Variants in TAMM41 observed in about 807,000 individuals in gnomAD.
TAMM41 encodes TAM41 mitochondrial translocator assembly and maintenance homolog, also known as phosphatidate cytidylyltransferase, mitochondrial.
TAMM41 carries 36 observed loss-of-function variants against 44.1 expected under a neutral mutation model. The observed-to-expected ratio is 0.82, with a 90% CI of 0.63 to 1.08. The LOEUF is 1.08. TAMM41 is among the 50% of genes least tolerant of loss of function. TAMM41 has a pLI of 0.00. For missense variants in TAMM41, 417 were observed against 404.3 expected, an observed-to-expected ratio of 1.03 and a Z score of -0.27; for synonymous variants, 164 against 153.1, an observed-to-expected ratio of 1.07 and a Z score of -0.53.
At chr3:11,773,729 A>G in the TAMM41 span, among the ~76,000 whole-genome samples, 2 of 152,172 alleles carry the variant, frequency 1.3e-5, no homozygotes, top group African/African-American at 2.4e-5. Context: ...TTCTTGCCCA[A>G]CCTAGATGCT....
the TAMM41 span, among the ~76,000 whole-genome samples, chr3:11,724,383 A>G: frequency 6.6e-6 from 1 of 151,656 alleles, no homozygotes; most frequent in Non-Finnish European, 1.5e-5. Context: ...GATTACAGGC[A>G]TGAGCCACCG....
At chr3:11,837,398 T>C (rs1575712271) in intron 3 of TAMM41, among the ~76,000 whole-genome samples, 1 of 151,444 alleles carries the variant, frequency 6.6e-6, no homozygotes, top group South Asian at 2.1e-4. Flanking sequence ...CACAGACTGA[T>C]TATCTGGAAA....
intron 3 of TAMM41, chr3:11,830,936 A>C (rs1360410397): frequency 6.6e-6 from 1 of 151,954 alleles, no homozygotes; most frequent in Non-Finnish European, 1.5e-5. Flanking sequence ...CTTACTTTTA[A>C]AGATTGCACT....
chr3:11,789,671 G>A (rs923717805), downstream of TAMM41, among the ~76,000 whole-genome samples: 9 of 152,080 alleles, frequency 5.9e-5, no homozygotes, highest in African/African-American at 2.2e-4. Context: ...ATCAGCATCC[G>A]TGAAACCAGA....
chr3:11,827,404 G>A (rs1256803650), intron 4 of TAMM41, among the ~76,000 whole-genome samples: 6 of 150,988 alleles, frequency 4.0e-5, no homozygotes, highest in African/African-American at 7.3e-5. Context: ...CCACCTCGCC[G>A]GTTCAAGTGA....
At chr3:11,787,005 G>A (rs1478609250), downstream of TAMM41, among the ~76,000 whole-genome samples, 1 of 152,180 alleles carries the variant, frequency 6.6e-6, no homozygotes, top group Non-Finnish European at 1.5e-5. Context: ...TTCTGTCATA[G>A]TCACAGTGGC....
the TAMM41 span, among the ~76,000 whole-genome samples, chr3:11,741,220 A>AAAAC: frequency 7.0e-6 from 1 of 142,110 alleles, no homozygotes; most frequent in African/African-American, 3.0e-5. Context: ...CCGTCTCAAA[A>AAAAC]AAAAAAAAAA....
chr3:11,760,528 A>G, the TAMM41 span, among the ~76,000 whole-genome samples: 143 of 148,778 alleles, frequency 9.6e-4, no homozygotes, highest in African/African-American at 3.6e-3. Flanking sequence ...TCCTTAGAGG[A>G]CTGTAAGTAC....
At chr3:11,721,916 T>G in the TAMM41 span, 1 of 152,206 alleles carries the variant, frequency 6.6e-6, no homozygotes, top group Admixed American at 6.5e-5. Flanking sequence ...CTGACTTAAA[T>G]CCAGTCCAGG....
chr3:11,814,101 G>A (rs2078195216), intron 5 of TAMM41, among the ~76,000 whole-genome samples: 1 of 151,870 alleles, frequency 6.6e-6, no homozygotes, highest in Admixed American at 6.6e-5. Context: ...TCACTTGAGT[G>A]CAAGAGTTCA....
the TAMM41 span, among the ~76,000 whole-genome samples, chr3:11,778,866 C>T: frequency 1.3e-5 from 2 of 152,170 alleles, no homozygotes; most frequent in South Asian, 2.1e-4. Flanking sequence ...TTATAAGTGC[C>T]TTATCAGATA....
chr3:11,825,255 A>T (rs1448088148), intron 4 of TAMM41, among the ~76,000 whole-genome samples: 2 of 152,220 alleles, frequency 1.3e-5, no homozygotes, highest in Non-Finnish European at 2.9e-5. Flanking sequence ...ACAATACCTG[A>T]CACACAGTAC....
the TAMM41 span, among the ~76,000 whole-genome samples, chr3:11,761,489 G>A: frequency 6.6e-6 from 1 of 151,978 alleles, no homozygotes; most frequent in Non-Finnish European, 1.5e-5. Context: ...GCAGTTCCAG[G>A]CCCCAGGTCA....
intron 3 of TAMM41, among the ~76,000 whole-genome samples, chr3:11,837,731 G>A (rs980439288): frequency 5.3e-5 from 8 of 152,182 alleles, no homozygotes; most frequent in South Asian, 2.1e-4. Context: ...GTGGACAAAC[G>A]GTGCCTCCAT....
At chr3:11,794,121 T>C (rs1238698913) in intron 7 of TAMM41, among the ~76,000 whole-genome samples, 4 of 151,708 alleles carry the variant, frequency 2.6e-5, no homozygotes. Flanking sequence ...GACTTCTACT[T>C]GGTCTACACT....
At chr3:11,802,346 A>G (rs1490345314) in intron 7 of TAMM41, among the ~76,000 whole-genome samples, 2 of 152,210 alleles carry the variant, frequency 1.3e-5, no homozygotes, top group Non-Finnish European at 1.5e-5. Flanking sequence ...ACAAATAAAC[A>G]CAATCAGAAA....
At chr3:11,764,486 CTTTTTTTTT>C in the TAMM41 span, among the ~76,000 whole-genome samples, 3 of 68,140 alleles carry the variant, frequency 4.4e-5, no homozygotes, top group African/African-American at 2.0e-4. Context: ...TAATCTTATT[CTTTTTTTTT>C]TTTTTTTTTT....
the TAMM41 span, among the ~76,000 whole-genome samples, chr3:11,783,567 A>T: frequency 6.2e-4 from 94 of 152,342 alleles, no homozygotes; most frequent in African/African-American, 2.2e-3. Flanking sequence ...TCTAGCCACA[A>T]ATCAGGACGA....
the TAMM41 span, among the ~76,000 whole-genome samples, chr3:11,768,335 C>T: frequency 6.6e-6 from 1 of 151,774 alleles, no homozygotes; most frequent in Non-Finnish European, 1.5e-5. Flanking sequence ...ATGGGGTCTC[C>T]CTATATTGCC....
Sources: allele counts gnomAD v4.1 joint callset (sites outside exome capture counted in the v4.1 genomes callset), GRCh38; gene constraint gnomAD v4.1.1; transcripts MANE v1.5; gene names NCBI Gene and HGNC (gene_info 2026-07-23, HGNC 2026-07-21).